Variants in TTN observed in about 807,000 individuals in gnomAD.
TTN encodes titin.
In TTN, 1,525 loss-of-function variants were observed where a neutral mutation model predicts 3,223.0. The ratio of observed to expected loss-of-function variants is 0.47; its 90% confidence interval spans 0.45 to 0.49. The LOEUF is 0.49. TTN is among the 20% of genes least tolerant of loss of function. The pLI is 0.00. For missense variants in TTN, 40,786 were observed against 43,424.0 expected (o/e 0.94, Z 5.40); for synonymous variants, 14,094 against 15,161.0 (o/e 0.93, Z 5.17).
rs954220478 is a variant in TTN, at chr2:178,774,044, A to G, written c.7124T>C (p.Leu2375Pro). 5 of 1,613,970 alleles carry G rather than the reference A, an allele frequency of 3.1e-6. No individual in the cohort carries two copies. The highest frequency in any genetic ancestry group is 1.3e-5 in the African/African-American group (1 of 74,918). The change falls in exon 31 of 363, where the codon CTT (leucine) becomes CCT (proline). Residue 2375 changes from leucine to proline, a missense_variant. Leu to Pro is a moderately conservative substitution (Grantham distance 98, BLOSUM62 -3). Transcript: ENST00000589042. The part of the protein sequence containing the change: ...QKVCEGDIVQ[L>P]EVKVSLESVE... The stretch of plus-strand genomic sequence containing the variant: ...ACTTTCCAAGGAGACTTTAACTTCA[A>G]GCTGAACAATGTCACCCTCACAGAC...
At chr2:178,611,706 A>G in intron 268 of TTN, 29 bp from the exon 269 acceptor site, 3 of 1,612,234 alleles carry the variant, frequency 1.9e-6, no homozygotes, top group Non-Finnish European at 2.5e-6. Context: ...ATTCATATCC[A>G]CAGTCTCATC....
rs374299783 is a variant in TTN, at chr2:178,734,571, C to T, written c.15253G>A (p.Asp5085Asn). Residue 5085 changes from aspartate to asparagine, a missense_variant, in exon 52 of 363, where the codon GAC (aspartate) becomes AAC (asparagine). By Grantham distance (23) the Asp-to-Asn change is conservative. Transcript: ENST00000589042. ...PSFIKTLEPA[D>N]IVRGTNALLQ... ...AGAGCATTTGTTCCTCTCACTATGT[C>T]TGCAGGCTCAAGAGTTTTGATGAAA... 5.3e-5 allele frequency: 84 copies of T among 1,587,324 alleles called. No individual in the cohort carries two copies. The highest frequency in any genetic ancestry group is 6.9e-5 in the Non-Finnish European group (81 of 1,166,382).
chr2:178,593,873 G>GA lies in TTN; in HGVS notation c.58433-7dup, dbSNP rs758370659. The stretch of plus-strand genomic sequence containing the variant: ...TACTGGTGGTCCAGGACGGTCTGCA[G>GA]AAAAAAAAAATCATGGCACAAAATG... On this transcript the variant is annotated splice_region_variant and splice_polypyrimidine_tract_variant and intron_variant, in intron 297 of 362. Transcript: ENST00000589042. 944 of 1,438,696 alleles carry GA rather than the reference G, an allele frequency of 6.6e-4. No homozygotes were observed. Among genetic ancestry groups the GA allele is most frequent in the Admixed American group, 2.7e-3 (136 of 50,934 alleles). 89.1% of individuals were successfully genotyped at this position (1,438,696 alleles called of 1,614,324 possible). A position where few individuals can be genotyped will look rare whatever the true frequency, so the allele number is the denominator to read the frequency against.
rs397517665 is a variant in TTN at position 178,581,587 on chromosome 2, T to C, written c.66681A>G (p.Gln22227=). The C allele has an allele frequency of 1.9e-6, 3 of 1,612,510 alleles. No individual in the cohort carries two copies. Among genetic ancestry groups the C allele is most frequent in the African/African-American group, 1.3e-5 (1 of 74,970 alleles). Residue 22227 remains glutamine (Q), a synonymous_variant, in exon 316 of 363, where the codon CAA becomes CAG. Coordinates refer to ENST00000589042, the MANE Select transcript of TTN (RefSeq NM_001267550.2). Reference sequence around the variant, plus strand: ...TAACGGCATACACACGGAATTGATATTGTGTGTCTTCCATCAGGCCAGTAA... The same window carrying C: ...TAACGGCATACACACGGAATTGATACTGTGTGTCTTCCATCAGGCCAGTAA... The part of the protein sequence containing the change: ...FEVTGLMEDT[Q]YQFRVYAVNK...
chr2:178,637,169 A>ATATATATATATC (rs1238502726), intron 224 of TTN, among the ~76,000 whole-genome samples, 200 bp downstream of exon 224: 45 of 127,544 alleles, frequency 3.5e-4, no homozygotes, highest in Admixed American at 7.4e-4. Context: ...ATATATATAT[A>ATATATATATATC]TATATATATA....
At chr2:178,801,907 AAT>A (rs1318955818) in intron 3 of TTN, among the ~76,000 whole-genome samples, 2 of 152,216 alleles carry the variant, frequency 1.3e-5, no homozygotes, top group African/African-American at 4.8e-5. Context: ...TTGAGTGTTT[AAT>A]ATGTGTATTG....
intron 48 of TTN, 86 bp downstream of exon 48, chr2:178,739,055 A>G: frequency 7.2e-7 from 1 of 1,395,290 alleles, no homozygotes; most frequent in African/African-American, 1.4e-5. Context: ...GAAGTGGCAG[A>G]TAAGTGAAAA....
chr2:178,751,744 T>C (rs1007524302), intron 47 of TTN: 11 of 1,613,164 alleles, frequency 6.8e-6, no homozygotes, highest in African/African-American at 1.3e-5. Flanking sequence ...TCTCAGCTTT[T>C]ATAATCCGAC....
rs201137248 is a variant in TTN at position 178,747,173 on chromosome 2, G to A, written c.11312-5252C>T. On this transcript the variant is annotated intron_variant, in intron 47 of 362. Transcript: ENST00000589042. ...ATATCTCTCTAGAGTCTCTCCTGGG[G>A]GTGTGGAGTATCTCTCTAGAGTCTC... is the stretch of plus-strand genomic sequence containing the variant. 5.0e-5 allele frequency: 80 copies of A among 1,609,506 alleles called. 2 individuals carry two copies. In the Middle Eastern group the frequency reaches 1.4e-3, roughly 28 times the overall value.
At position 178,734,915 on chromosome 2, in the gene TTN, G is replaced by A. The variant is rs1307427744; in HGVS notation, c.15009C>T (p.Cys5003=). The change falls in exon 51 of 363, where the codon TGC becomes TGT. Residue 5003 remains cysteine, a synonymous_variant. Coordinates refer to ENST00000589042, the MANE Select transcript of TTN (RefSeq NM_001267550.2). The part of the protein sequence containing the change: ...MLPGESARLH[C]KLKGSPVIQV... ...GGATCACAGGTGAGCCTTTCAGCTT[G>A]CAATGGAGGCGTGCTGATTCACCTG... 3 of 1,612,288 alleles carry A rather than the reference G, an allele frequency of 1.9e-6. No individual in the cohort carries two copies. The African/African-American group carries it at 4.0e-5, about 22-fold the overall frequency.
rs769581585 is a variant in TTN, at chr2:178,540,193, C to T, written c.97973G>A (p.Arg32658Gln). The change falls in exon 351 of 363, where the codon CGA becomes CAA. Residue 32658 changes from arginine to glutamine, a missense_variant. Transcript: ENST00000589042. ...TKCNTTPTKI[R>Q]EYTLTHLPQG... ...AGGTAGGTGTGTTAGAGTATACTCT[C>T]GAATCTTGGTTGGAGTGGTGTTACA... 20 of 1,613,780 alleles carry T rather than the reference C, an allele frequency of 1.2e-5. 1 individual carries two copies. In the South Asian group the frequency reaches 1.4e-4, roughly 12 times the overall value.
At chr2:178,672,734 G>T in intron 152 of TTN, 31 bp from the exon 153 acceptor site, 2 of 1,540,672 alleles carry the variant, frequency 1.3e-6, no homozygotes, top group South Asian at 1.2e-5. Flanking sequence ...TTAGTTAGCT[G>T]AGAATGTTCA....
chr2:178,636,732 TCCA>T lies in TTN; in HGVS notation c.40992_40994del (p.Gly13665del). 6.2e-7 allele frequency: 1 copy of T among 1,612,618 alleles called. No individual in the cohort carries two copies. The highest frequency in any genetic ancestry group is 1.7e-5 in the Admixed American group (1 of 59,966). Reference sequence around the variant, plus strand: ...ACGGGGCTTCATCAGGAGGTTTCTCTCCACCACTTCCTGGCCTTAACTTTCTCC... The same window carrying T: ...ACGGGGCTTCATCAGGAGGTTTCTCTCCACTTCCTGGCCTTAACTTTCTCC... On this transcript the variant is annotated inframe_deletion, in exon 225 of 363. Transcript: ENST00000589042. The surrounding 1 kb of genome is among the most constrained non-coding windows in gnomAD (Gnocchi z 4.3).
intron 33 of TTN, 151 bp from the exon 34 acceptor site, chr2:178,771,622 T>G (rs896681047): frequency 9.4e-6 from 11 of 1,170,128 alleles, no homozygotes; most frequent in Non-Finnish European, 1.2e-5. Flanking sequence ...ATTGAGAAGG[T>G]ACCAAAGAAA....
At chr2:178,794,806 T>A in intron 7 of TTN, 116 bp downstream of exon 7, 4 of 1,405,670 alleles carry the variant, frequency 2.8e-6, no homozygotes, top group Non-Finnish European at 3.9e-6. Flanking sequence ...TGCTGCTATA[T>A]TTTTATGTTC....
chr2:178,689,202 GA>G (rs2071700035), intron 124 of TTN, 66 bp from the exon 125 acceptor site: 1 of 1,586,818 alleles, frequency 6.3e-7, no homozygotes, highest in Non-Finnish European at 8.6e-7. Context: ...GCAAAACAAA[GA>G]AATACACCCA....
At chr2:178,759,564 C>T (rs1315361605) in intron 43 of TTN, among the ~76,000 whole-genome samples, 3 of 152,114 alleles carry the variant, frequency 2.0e-5, no homozygotes, top group Non-Finnish European at 4.4e-5. Flanking sequence ...TTGTAGTTGC[C>T]TTCTGGGACA....
In TTN at chr2:178,572,810, C is replaced by T. The variant is rs1559418326; in HGVS notation, c.73322G>A (p.Arg24441Lys). The T allele has an allele frequency of 3.1e-6, 5 of 1,613,394 alleles. No homozygotes were observed. Among genetic ancestry groups the T allele is most frequent in the Admixed American group, 1.7e-5 (1 of 59,992 alleles). The change falls in exon 326 of 363, where the codon AGG (arginine) becomes AAG (lysine). Residue 24441 changes from arginine to lysine, a missense_variant. Physicochemically the swap from Arg to Lys is conservative, Grantham distance 26. Coordinates refer to ENST00000589042, the MANE Select transcript of TTN (RefSeq NM_001267550.2). ...DADLRKVVTIRACCTLRLFVP... is the reference protein window; with the variant it reads ...DADLRKVVTIKACCTLRLFVP... ...AAAAAGTCTCAGGGTGCAGCAGGCC[C>T]TTATAGTAACAACTTTGCGCAGGTC...
chr2:178,628,573 T>G (rs916952598), intron 240 of TTN, among the ~76,000 whole-genome samples: 1 of 152,126 alleles, frequency 6.6e-6, no homozygotes, highest in Non-Finnish European at 1.5e-5. Flanking sequence ...CCTATCTGAA[T>G]AATCCCTTAG....
Sources: allele counts gnomAD v4.1 joint callset (sites outside exome capture counted in the v4.1 genomes callset), GRCh38; gene constraint gnomAD v4.1.1; non-coding constraint Gnocchi (gnomAD v3.1); transcripts MANE v1.5; gene names NCBI Gene and HGNC (gene_info 2026-07-23, HGNC 2026-07-21).